The following IQSEC2 variants were observed in gnomAD, a reference collection of about 807,000 sequenced individuals.
The protein encoded by IQSEC2 is IQ motif and Sec7 domain ArfGEF 2.
IQSEC2 carries 6 observed loss-of-function variants against 74.6 expected under a neutral mutation model. That is an observed-to-expected ratio of 0.08 (90% CI 0.04 to 0.16). IQSEC2 has a LOEUF of 0.16. IQSEC2 is among the 10% of genes least tolerant of loss of function. The probability of loss-of-function intolerance (pLI) is 1.00; values close to 1 mark genes in which losing one functional copy is unlikely to be tolerated. For missense variants in IQSEC2, 734 were observed against 1,306.2 expected (o/e 0.56, Z 6.75); for synonymous variants, 494 against 544.5 (o/e 0.91, Z 1.29).
At chrX:53,235,328 G>GT in intron 14 of IQSEC2, 144 bp from the exon 15 acceptor site, 1 of 734,736 alleles carries the variant, frequency 1.4e-6, no homozygotes, top group Non-Finnish European at 2.0e-6. Context: ...TCCGGTACGC[G>GT]TATGTGGAGC....
chrX:53,293,468 A>G (rs1318809277), intron 1 of IQSEC2, among the ~76,000 whole-genome samples: 1 of 111,634 alleles, frequency 9.0e-6, no homozygotes, highest in Non-Finnish European at 1.9e-5. Flanking sequence ...ACCTTATCAC[A>G]TTTATTAAAA....
In IQSEC2 at chrX:53,235,113, C is replaced by A. The variant is rs1556859307; in HGVS notation, c.3573G>T (p.Glu1191Asp). 8 of 1,102,960 alleles carry A rather than the reference C, an allele frequency of 7.3e-6. No homozygotes were observed. The highest frequency in any genetic ancestry group is 9.6e-6 in the Non-Finnish European group (8 of 832,760). The allele number at this position is 1,102,960 out of a possible 1,213,427, so 90.9% of individuals were successfully genotyped here. A position where few individuals can be genotyped will look rare whatever the true frequency, so the allele number is the denominator to read the frequency against. Reference sequence around the variant, plus strand: ...TGGAGACGGGCCTCTGGCTCTTGTACTCCTCTGGCGGCGGGGGTGGGGGCG... The same window carrying A: ...TGGAGACGGGCCTCTGGCTCTTGTAATCCTCTGGCGGCGGGGGTGGGGGCG... ...PPPPPPPPPE[E>D]YKSQRPVSNS... Residue 1191 changes from glutamate (E) to aspartate (D), a missense_variant, in exon 15 of 15, where the codon GAG becomes GAT. By Grantham distance (45) the Glu-to-Asp change is conservative. Transcript: ENST00000642864.
chrX:53,300,225 A>G (rs2146461983), intron 1 of IQSEC2, among the ~76,000 whole-genome samples: 1 of 110,440 alleles, frequency 9.1e-6, no homozygotes, highest in East Asian at 2.8e-4. Flanking sequence ...TACCTTTTTT[A>G]CTCCTTTTTT....
intron 2 of IQSEC2, chrX:53,279,391 C>T (rs2074901136): frequency 2.4e-6 from 1 of 416,002 alleles, no homozygotes; most frequent in Non-Finnish European, 4.2e-6. Context: ...TAGATAGATC[C>T]CAAATGTCCT....
intron 2 of IQSEC2, among the ~76,000 whole-genome samples, chrX:53,269,567 C>A (rs1291868444): frequency 9.0e-6 from 1 of 110,680 alleles, no homozygotes; most frequent in Non-Finnish European, 1.9e-5. Flanking sequence ...GGAATAAAAA[C>A]CCTCTATCTG....
intron 1 of IQSEC2, among the ~76,000 whole-genome samples, chrX:53,318,916 C>T (rs2075403041): frequency 1.8e-5 from 2 of 113,073 alleles, no homozygotes; most frequent in Admixed American, 9.3e-5. Flanking sequence ...CCAAGGCACA[C>T]AGTCGGTCCT....
At chrX:53,279,407 G>T in intron 2 of IQSEC2, 1 of 424,800 alleles carries the variant, frequency 2.4e-6, no homozygotes, top group Non-Finnish European at 4.1e-6. Context: ...GTCCTCTTTG[G>T]TCTGCTGACC....
At chrX:53,255,496 A>T (rs782254604) in intron 3 of IQSEC2, among the ~76,000 whole-genome samples, 1 of 111,826 alleles carries the variant, frequency 8.9e-6, no homozygotes, top group South Asian at 3.8e-4. Flanking sequence ...TGAAAAGGTC[A>T]ACTGATGTGT....
At chrX:53,244,143 G>C (rs781813454) in intron 8 of IQSEC2, among the ~76,000 whole-genome samples, 1 of 108,650 alleles carries the variant, frequency 9.2e-6, no homozygotes, top group African/African-American at 3.4e-5. Flanking sequence ...TTGAACCCGG[G>C]AGGCAGAGGC....
rs1556880136 is a variant in IQSEC2, at chrX:53,320,678, G to A, written c.446C>T (p.Ala149Val). ...YPLQDTTGYT[A>V]RERDVAQCHL... Reference sequence around the variant, plus strand: ...GCACTGGGCCACGTCACGCTCGCGGGCTGTGTAACCGGTAGTGTCCTGGAG... The same window carrying A: ...GCACTGGGCCACGTCACGCTCGCGGACTGTGTAACCGGTAGTGTCCTGGAG... The change falls in exon 1 of 15, where the codon GCC becomes GTC. Residue 149 changes from alanine to valine, a missense_variant. By Grantham distance (64) the Ala-to-Val change is moderately conservative. Around this residue, in one of 12 missense-constraint regions of IQSEC2, gnomAD observed 134 missense variants for 214.9 expected, o/e 0.62. Coordinates refer to ENST00000642864, the MANE Select transcript of IQSEC2 (RefSeq NM_001111125.3). 3 of 1,165,812 alleles carry A rather than the reference G, an allele frequency of 2.6e-6. No individual in the cohort carries two copies. In the Admixed American group the frequency reaches 7.7e-5, roughly 30 times the overall value.
At chrX:53,248,324 C>T in intron 6 of IQSEC2, 88 bp from the exon 7 acceptor site, 13 of 1,075,004 alleles carry the variant, frequency 1.2e-5, no homozygotes, top group South Asian at 2.0e-5. Context: ...GGACCAACAC[C>T]CCCACTGATA....
At chrX:53,300,643 C>T (rs1395967412) in intron 1 of IQSEC2, among the ~76,000 whole-genome samples, 2 of 111,400 alleles carry the variant, frequency 1.8e-5, no homozygotes, top group Admixed American at 9.6e-5. Flanking sequence ...ACTAAATAAA[C>T]GAATTGGACC....
In IQSEC2 at chrX:53,267,078, G is replaced by A. The variant is rs782272770; in HGVS notation, c.738-11017C>T. 824 of 1,146,848 alleles carry A rather than the reference G, an allele frequency of 7.2e-4. 2 individuals are homozygous for A. The highest frequency in any genetic ancestry group is 9.3e-4 in the Non-Finnish European group (808 of 868,684). 94.5% of individuals were successfully genotyped at this position (1,146,848 alleles called of 1,213,427 possible). On this transcript the variant is annotated intron_variant, in intron 2 of 14. Transcript: ENST00000642864. ...TCCTCCTCTTCCCTGGGGCCAGGAAGGGCGGGGTAGAGGCCACAGGCGGTG... is the reference window on the plus strand; with the variant it reads ...TCCTCCTCTTCCCTGGGGCCAGGAAAGGCGGGGTAGAGGCCACAGGCGGTG...
intron 1 of IQSEC2, among the ~76,000 whole-genome samples, chrX:53,318,251 A>G (rs782534747): frequency 8.9e-6 from 1 of 112,162 alleles, no homozygotes; most frequent in South Asian, 3.7e-4. Context: ...AAGAGGTAAT[A>G]ATGGGTGTGC....
intron 1 of IQSEC2, among the ~76,000 whole-genome samples, chrX:53,311,477 A>G (rs1286753108): frequency 3.6e-5 from 4 of 111,234 alleles, no homozygotes; most frequent in Non-Finnish European, 7.5e-5. Context: ...CACAGGCCTG[A>G]TCATCTCTCA....
At chrX:53,247,581 G>C (rs2074327089) in intron 7 of IQSEC2, among the ~76,000 whole-genome samples, 1 of 112,066 alleles carries the variant, frequency 8.9e-6, no homozygotes, top group African/African-American at 3.2e-5. Context: ...AAGTGGCAGA[G>C]CCAGGATTTA....
intron 2 of IQSEC2, among the ~76,000 whole-genome samples, chrX:53,284,354 C>T (rs782720027): frequency 4.4e-4 from 48 of 109,781 alleles, no homozygotes; most frequent in Non-Finnish European, 7.6e-4. Context: ...CTAGTCTCAG[C>T]CTTCCCCCCA....
At chrX:53,313,171 T>C (rs1027692450) in intron 1 of IQSEC2, among the ~76,000 whole-genome samples, 3 of 112,353 alleles carry the variant, frequency 2.7e-5, no homozygotes, top group Non-Finnish European at 3.8e-5. Flanking sequence ...TTTTCCATTC[T>C]CAGCTTTCCA....
At chrX:53,255,048 A>G in intron 3 of IQSEC2, 117 bp from the exon 4 acceptor site, 13 of 714,212 alleles carry the variant, frequency 1.8e-5, no homozygotes, top group Non-Finnish European at 2.5e-5. Flanking sequence ...AGCCACCGAG[A>G]GCGCCAGGCT....
Sources: allele counts gnomAD v4.1 joint callset (sites outside exome capture counted in the v4.1 genomes callset), GRCh38; gene constraint gnomAD v4.1.1; regional missense constraint gnomAD v4.1.1; transcripts MANE v1.5; gene names NCBI Gene and HGNC (gene_info 2026-07-23, HGNC 2026-07-21).